Variants in ERAP1 observed in about 807,000 individuals in gnomAD.
The protein encoded by ERAP1 is adipocyte-derived leucine aminopeptidase.
A neutral mutation model predicts 103.7 loss-of-function variants in ERAP1; 86 were observed. The observed-to-expected ratio is 0.83, with a 90% confidence interval of 0.70 to 0.99. The LOEUF (loss-of-function observed/expected upper bound fraction) is 0.99. Among genes scored for constraint, ERAP1 ranks in the 50% least tolerant of loss-of-function variants. The probability of loss-of-function intolerance (pLI) is 0.00; values close to 1 mark genes in which losing one functional copy is unlikely to be tolerated. For missense variants in ERAP1, 1,009 were observed against 1,128.4 expected, an observed-to-expected ratio of 0.89 and a Z score of 1.52; for synonymous variants, 398 against 402.4, an observed-to-expected ratio of 0.99 and a Z score of 0.13.
upstream of ERAP1, among the ~76,000 whole-genome samples, chr5:96,809,659 C>T (rs1028012632): frequency 2.0e-5 from 3 of 152,066 alleles, no homozygotes; most frequent in Non-Finnish European, 2.9e-5. Flanking sequence ...TAAAATTCAA[C>T]AAGAAATGAG....
In ERAP1 at chr5:96,781,204, AG is replaced by A; in HGVS notation, c.2448-7del. Reference sequence around the variant, plus strand: ...TAAAGCTTTCATCTAGTAGCCTAGAAGGATTAAGAAAAGAAATGTTAGCAAT... The same window carrying A: ...TAAAGCTTTCATCTAGTAGCCTAGAAGATTAAGAAAAGAAATGTTAGCAAT... On this transcript the variant is annotated splice_region_variant and splice_polypyrimidine_tract_variant and intron_variant, in intron 16 of 18. Transcript: ENST00000443439. 1 of 1,611,894 alleles carries A rather than the reference AG, an allele frequency of 6.2e-7. No individual in the cohort carries two copies. Among genetic ancestry groups the A allele is most frequent in the Non-Finnish European group, 8.5e-7 (1 of 1,178,730 alleles).
At chr5:96,773,632 T>C (rs1373087976), downstream of ERAP1, 1 of 152,104 alleles carries the variant, frequency 6.6e-6, no homozygotes, top group Non-Finnish European at 1.5e-5. Flanking sequence ...GAAACCTGCA[T>C]TTCTCCCACA....
the ERAP1 span, among the ~76,000 whole-genome samples, chr5:96,867,037 C>T: frequency 6.7e-6 from 1 of 148,962 alleles, no homozygotes; most frequent in African/African-American, 2.5e-5. Context: ...GTCAGAGTCT[C>T]ACTCTGTTGC....
At chr5:96,901,821 A>G in the ERAP1 span, 2 of 797,924 alleles carry the variant, frequency 2.5e-6, no homozygotes, top group Non-Finnish European at 3.8e-6. Flanking sequence ...AGACTTGATA[A>G]GATTTAAAGA....
At chr5:96,783,312 C>T (rs974490720) in intron 14 of ERAP1, 77 bp from the exon 15 acceptor site, 22 of 1,352,202 alleles carry the variant, frequency 1.6e-5, no homozygotes, top group Admixed American at 6.5e-5. Context: ...ATTATGGTCT[C>T]AGATGATGGG....
At chr5:96,787,909 TGAA>T (rs1163509862) in intron 11 of ERAP1, among the ~76,000 whole-genome samples, 1 of 148,532 alleles carries the variant, frequency 6.7e-6, no homozygotes, top group East Asian at 2.0e-4. Flanking sequence ...GAGAGGGAGG[TGAA>T]GAAAGTAAAG....
chr5:96,835,165 T>C, the ERAP1 span, among the ~76,000 whole-genome samples: 1 of 152,212 alleles, frequency 6.6e-6, no homozygotes, highest in Non-Finnish European at 1.5e-5. Context: ...AATTATGATA[T>C]TTCTTGAGAA....
intron 9 of ERAP1, 63 bp from the exon 10 acceptor site, chr5:96,790,430 G>A (rs1776604164): frequency 1.1e-5 from 18 of 1,607,816 alleles, no homozygotes; most frequent in Non-Finnish European, 1.4e-5. Context: ...CTCCTCAGAG[G>A]GATTAACATA....
chr5:96,874,267 T>C, the ERAP1 span, among the ~76,000 whole-genome samples: 1 of 152,246 alleles, frequency 6.6e-6, no homozygotes, highest in Non-Finnish European at 1.5e-5. Context: ...TACTTGAATC[T>C]GGCTCAATTT....
At chr5:96,880,686 G>A in the ERAP1 span, among the ~76,000 whole-genome samples, 1 of 141,430 alleles carries the variant, frequency 7.1e-6, no homozygotes, top group Non-Finnish European at 1.5e-5. Flanking sequence ...GACTCATATC[G>A]AATAGTCAGA....
the ERAP1 span, chr5:96,902,413 A>G: frequency 1.0e-3 from 1,067 of 1,037,970 alleles, 7 homozygotes; most frequent in African/African-American, 0.015. Flanking sequence ...GTGTTGAGCT[A>G]TTTGAAGGAA....
At chr5:96,908,934 A>G in the ERAP1 span, 827,789 of 1,594,562 alleles carry the variant, frequency 0.52, 216,710 homozygotes, top group Admixed American at 0.61. Context: ...ATATGCACAA[A>G]CCACTGACAT....
At chr5:96,864,475 C>A in the ERAP1 span, among the ~76,000 whole-genome samples, 2 of 151,992 alleles carry the variant, frequency 1.3e-5, no homozygotes, top group African/African-American at 4.8e-5. Flanking sequence ...AGTGAAAAGT[C>A]TCAGGTTTAC....
the ERAP1 span, chr5:96,912,731 T>A: frequency 6.2e-7 from 1 of 1,603,318 alleles, no homozygotes; most frequent in African/African-American, 1.3e-5. Flanking sequence ...ACTGTCAATG[T>A]CAAGTGCTGA....
At chr5:96,894,832 C>A in the ERAP1 span, among the ~76,000 whole-genome samples, 1 of 152,026 alleles carries the variant, frequency 6.6e-6, no homozygotes, top group Non-Finnish European at 1.5e-5. Flanking sequence ...TAACTTCACC[C>A]AGGACACTTG....
the ERAP1 span, among the ~76,000 whole-genome samples, chr5:96,857,353 A>T: frequency 6.6e-6 from 1 of 152,216 alleles, no homozygotes. Context: ...TAAGTGAAGT[A>T]CTTAAGAAGT....
At chr5:96,852,720 G>C in the ERAP1 span, among the ~76,000 whole-genome samples, 11 of 152,084 alleles carry the variant, frequency 7.2e-5, no homozygotes, top group African/African-American at 2.7e-4. Context: ...TTAAAATCCC[G>C]TAGTTTTAAA....
At chr5:96,817,572 A>G in the ERAP1 span, among the ~76,000 whole-genome samples, 4 of 152,228 alleles carry the variant, frequency 2.6e-5, no homozygotes, top group South Asian at 6.2e-4. Flanking sequence ...AGGCTATTAC[A>G]TGACTTACAT....
chr5:96,921,550 GA>G, the ERAP1 span, among the ~76,000 whole-genome samples: 1 of 152,174 alleles, frequency 6.6e-6, no homozygotes, highest in African/African-American at 2.4e-5. Flanking sequence ...AAACAAGGTA[GA>G]AAAACATTTT....
Sources: allele counts gnomAD v4.1 joint callset (sites outside exome capture counted in the v4.1 genomes callset), GRCh38; gene constraint gnomAD v4.1.1; transcripts MANE v1.5; gene names NCBI Gene and HGNC (gene_info 2026-07-23, HGNC 2026-07-21).